Variants in CHL1 observed in about 807,000 individuals in gnomAD.
CHL1 encodes cell adhesion molecule L1 like.
A neutral mutation model predicts 141.9 loss-of-function variants in CHL1; 96 were observed. That is an observed-to-expected ratio of 0.68 (90% CI 0.57 to 0.80). CHL1 has a LOEUF of 0.80. Among genes scored for constraint, CHL1 ranks in the 30% least tolerant of loss-of-function variants. CHL1 has a pLI of 0.00. For missense variants in CHL1, 1,820 were observed against 1,457.2 expected (o/e 1.25, Z -4.05); for synonymous variants, 613 against 502.2 (o/e 1.22, Z -2.95).
At chr3:259,573 C>T (rs1409744759) in intron 2 of CHL1, among the ~76,000 whole-genome samples, 1 of 152,030 alleles carries the variant, frequency 6.6e-6, no homozygotes, top group East Asian at 1.9e-4. Flanking sequence ...CTGTATGTCC[C>T]ATTGCTTGTT....
chr3:329,890 T>C (rs1701306011), intron 5 of CHL1, among the ~76,000 whole-genome samples: 1 of 152,028 alleles, frequency 6.6e-6, no homozygotes, highest in Non-Finnish European at 1.5e-5. Flanking sequence ...TTAAAATACC[T>C]GAAGCAAAAA....
chr3:243,780 T>A (rs1205852763), intron 1 of CHL1, among the ~76,000 whole-genome samples: 1 of 152,194 alleles, frequency 6.6e-6, no homozygotes, highest in Non-Finnish European at 1.5e-5. Flanking sequence ...AATTAGTAAT[T>A]TCTACCAGAA....
chr3:283,340 T>C (rs892288281), intron 2 of CHL1, among the ~76,000 whole-genome samples: 3 of 152,240 alleles, frequency 2.0e-5, no homozygotes, highest in African/African-American at 7.2e-5. Flanking sequence ...TGTGGAGACA[T>C]GATTAGATAA....
chr3:204,118 A>G (rs897709189), intron 1 of CHL1, among the ~76,000 whole-genome samples: 4 of 152,224 alleles, frequency 2.6e-5, no homozygotes, highest in African/African-American at 4.8e-5. Context: ...TTAAACTTCA[A>G]AACAAATTTG....
chr3:262,750 A>C (rs529127488), intron 2 of CHL1, among the ~76,000 whole-genome samples: 1 of 152,228 alleles, frequency 6.6e-6, no homozygotes, highest in Non-Finnish European at 1.5e-5. Context: ...TAGTCTTGTC[A>C]GACTTTCTAA....
In CHL1 at chr3:268,482, C is replaced by A. The variant is rs1217289165; in HGVS notation, c.-95+23790C>A. ...CCTGGGAGGCAGAGGCTGCAGTGAG[C>A]TGAGATTGCGCCACTGCAGTCCAGC... is the stretch of plus-strand genomic sequence containing the variant. On this transcript the variant is annotated intron_variant, in intron 2 of 27. Coordinates refer to ENST00000256509, the MANE Select transcript of CHL1 (RefSeq NM_006614.4). Among the ~76,000 whole-genome samples, 4 of 152,064 alleles carry A rather than the reference C, an allele frequency of 2.6e-5. No individual in the cohort carries two copies. The East Asian group carries it at 7.7e-4, about 29-fold the overall frequency.
Position 342,994 on chromosome 3 carries a change from T to G in CHL1, c.690T>G (p.Ala230=), listed in dbSNP as rs781340420. Residue 230 remains alanine, a synonymous_variant, in exon 8 of 28, where the codon GCT becomes GCG. Transcript: ENST00000256509. ...GTTTTTTTATTTCAGTAAAGCATGC[T>G]AATGACTCAAGTTCATCCACAGAAA... The part of the protein sequence containing the change: ...MKLTVNSLKH[A]NDSSSSTEIG... The G allele has an allele frequency of 6.2e-7, 1 of 1,609,170 alleles. No homozygotes were observed. The highest frequency in any genetic ancestry group is 8.5e-7 in the Non-Finnish European group (1 of 1,178,202).
At chr3:240,744 C>T (rs918790681) in intron 1 of CHL1, among the ~76,000 whole-genome samples, 1 of 150,868 alleles carries the variant, frequency 6.6e-6, no homozygotes, top group African/African-American at 2.4e-5. Flanking sequence ...ATATTTAAGT[C>T]CATGATCCCT....
chr3:258,158 C>G (rs900308256), intron 2 of CHL1, among the ~76,000 whole-genome samples: 1 of 152,176 alleles, frequency 6.6e-6, no homozygotes, highest in Non-Finnish European at 1.5e-5. Context: ...ACTTGCTCCC[C>G]CATGGCTGTC....
intron 2 of CHL1, among the ~76,000 whole-genome samples, chr3:252,928 T>A (rs948771668): frequency 2.6e-5 from 4 of 152,142 alleles, no homozygotes; most frequent in African/African-American, 9.6e-5. Context: ...GGTAATTAAA[T>A]AATTATAGTT....
intron 2 of CHL1, among the ~76,000 whole-genome samples, chr3:249,280 G>T (rs1283764154): frequency 2.6e-5 from 4 of 152,124 alleles, no homozygotes; most frequent in African/African-American, 9.7e-5. Flanking sequence ...CTGATCAAAG[G>T]CTAATTTAGT....
chr3:236,148 A>G (rs756964266), intron 1 of CHL1, among the ~76,000 whole-genome samples: 1 of 152,176 alleles, frequency 6.6e-6, no homozygotes, highest in Non-Finnish European at 1.5e-5. Flanking sequence ...CCTGCTTGAT[A>G]TTCTACTGTG....
At chr3:324,472 C>T (rs1700841504) in intron 3 of CHL1, among the ~76,000 whole-genome samples, 1 of 152,042 alleles carries the variant, frequency 6.6e-6, no homozygotes, top group South Asian at 2.1e-4. Flanking sequence ...TCTTTACACA[C>T]TTCATGATCT....
intron 1 of CHL1, among the ~76,000 whole-genome samples, chr3:206,371 C>T (rs1196173341): frequency 2.0e-5 from 3 of 151,966 alleles, no homozygotes; most frequent in Non-Finnish European, 4.4e-5. Context: ...GAGGCTGAGG[C>T]AGGAGAATCA....
intron 2 of CHL1, among the ~76,000 whole-genome samples, chr3:262,019 T>C (rs13066823): frequency 4.3e-3 from 151 of 34,948 alleles, no homozygotes; most frequent in Middle Eastern, 0.059. Context: ...CGTTTAAGCC[T>C]AGATCTACAC....
chr3:214,105 T>C (rs1700111625), intron 1 of CHL1, among the ~76,000 whole-genome samples: 1 of 152,204 alleles, frequency 6.6e-6, no homozygotes. Flanking sequence ...TGATATCCAG[T>C]ATCATCATAG....
chr3:329,020 G>A (rs1156505422), intron 5 of CHL1, among the ~76,000 whole-genome samples: 1 of 152,134 alleles, frequency 6.6e-6, no homozygotes, highest in Non-Finnish European at 1.5e-5. Flanking sequence ...AATAAAATTT[G>A]TGTAAAACTG....
intron 2 of CHL1, among the ~76,000 whole-genome samples, chr3:298,040 G>A (rs181155312): frequency 1.7e-3 from 263 of 152,222 alleles, no homozygotes; most frequent in Admixed American, 5.2e-3. Flanking sequence ...CTCCAAAGTG[G>A]ACTTGTTTCT....
chr3:255,692 A>T (rs1694091041), intron 2 of CHL1, among the ~76,000 whole-genome samples: 1 of 152,244 alleles, frequency 6.6e-6, no homozygotes, highest in African/African-American at 2.4e-5. Context: ...ATTTTCTTGC[A>T]TAGTTTTTTC....
Sources: allele counts gnomAD v4.1 joint callset (sites outside exome capture counted in the v4.1 genomes callset), GRCh38; gene constraint gnomAD v4.1.1; transcripts MANE v1.5; gene names NCBI Gene and HGNC (gene_info 2026-07-23, HGNC 2026-07-21).